Variants in C3orf22 observed in about 807,000 individuals in gnomAD.
C3orf22 encodes the protein uncharacterized protein C3orf22.
A neutral mutation model predicts 10.8 loss-of-function variants in C3orf22; 7 were observed. That is an observed-to-expected ratio of 0.65 (90% CI 0.37 to 1.22). The LOEUF (loss-of-function observed/expected upper bound fraction) is 1.22, where lower values mean the gene tolerates loss of function less well. Among genes scored for constraint, C3orf22 ranks in the 50% most tolerant of loss-of-function variants. The pLI is 0.02. For missense variants in C3orf22, 173 were observed against 177.0 expected (o/e 0.98, Z 0.13); for synonymous variants, 79 against 78.9 (o/e 1.00, Z 0.00).
Position 126,552,057 on chromosome 3 carries a change from T to C in C3orf22, c.155A>G (p.Asn52Ser). 1 of 1,613,780 alleles carries C rather than the reference T, an allele frequency of 6.2e-7. No homozygotes were observed. The highest frequency in any genetic ancestry group is 8.5e-7 in the Non-Finnish European group (1 of 1,179,862). Reference sequence around the variant, plus strand: ...CTTCTGCAGGGGCAGCTGCACCGTGTTCGAGTCGTTTGTGACCTCCCAGGG... The same window carrying C: ...CTTCTGCAGGGGCAGCTGCACCGTGCTCGAGTCGTTTGTGACCTCCCAGGG... Reference protein sequence around the residue: ...LQPWEVTNDSNTVQLPLQKRL... With the variant: ...LQPWEVTNDSSTVQLPLQKRL... Residue 52 changes from asparagine (N) to serine (S), a missense_variant, in exon 3 of 4, where the codon AAC (asparagine) becomes AGC (serine). By Grantham distance (46) the Asn-to-Ser change is conservative. Transcript: ENST00000318225.
chr3:126,548,371 T>G (rs568762620), downstream of C3orf22, among the ~76,000 whole-genome samples: 8 of 152,124 alleles, frequency 5.3e-5, no homozygotes, highest in Admixed American at 1.3e-4. Context: ...CAGGGTGTGG[T>G]GAAGTGGGGG....
At chr3:126,553,828 C>T (rs891954495) in intron 1 of C3orf22, among the ~76,000 whole-genome samples, 35 of 151,984 alleles carry the variant, frequency 2.3e-4, no homozygotes, top group Non-Finnish European at 4.0e-4. Context: ...TCAGCCCAAA[C>T]TTCACCCACA....
intron 4 of C3orf22, among the ~76,000 whole-genome samples, chr3:126,535,319 G>T (rs1560139857): frequency 6.7e-6 from 1 of 148,258 alleles, no homozygotes; most frequent in African/African-American, 2.5e-5. Context: ...CCTCAGCCAG[G>T]AGACAGACAG....
At position 126,542,175 on chromosome 3, in the gene C3orf22, T is replaced by G. The variant is rs940873994; in HGVS notation, c.286+7362A>C. 8.8e-5 allele frequency: 129 copies of G among 1,463,634 alleles called. No homozygotes were observed. The highest frequency in any genetic ancestry group is 1.1e-4 in the Non-Finnish European group (122 of 1,115,148). 90.7% of individuals were successfully genotyped at this position (1,463,634 alleles called of 1,614,324 possible). On this transcript the variant is annotated intron_variant and NMD_transcript_variant, in intron 4 of 5. Transcript: ENST00000505070. The stretch of plus-strand genomic sequence containing the variant: ...TACGGTGCACGCATCGTTCAGCGCC[T>G]GCGGCCGCGCGCGCTCCCCGACGCC...
intron 4 of C3orf22, among the ~76,000 whole-genome samples, chr3:126,534,094 T>G (rs1936713474): frequency 6.6e-6 from 1 of 152,178 alleles, no homozygotes; most frequent in Admixed American, 6.5e-5. Context: ...TTTTAGTAAT[T>G]TGAGTCTTTT....
chr3:126,550,814 C>G (rs567667105), intron 3 of C3orf22, among the ~76,000 whole-genome samples: 14 of 152,378 alleles, frequency 9.2e-5, no homozygotes, highest in Non-Finnish European at 1.8e-4. Context: ...TTGGCTCAGC[C>G]CACTGCCCCC....
chr3:126,537,136 G>A (rs1183168894), intron 4 of C3orf22, among the ~76,000 whole-genome samples: 1 of 152,174 alleles, frequency 6.6e-6, no homozygotes, highest in Non-Finnish European at 1.5e-5. Context: ...GGTGCAACAA[G>A]AGCTCTCCTG....
At chr3:126,529,170 TGTGCAGAGGAGGATGGTC>T in exon 5 of C3orf22, 1 of 559,468 alleles carries the variant, frequency 1.8e-6, no homozygotes, top group Non-Finnish European at 3.1e-6. Flanking sequence ...CTGAGGTGGG[TGTGCAGAGGAGGATGGTC>T]GTGCTTCTGC....
intron 4 of C3orf22, among the ~76,000 whole-genome samples, chr3:126,543,673 T>C (rs1345047445): frequency 6.7e-6 from 1 of 148,436 alleles, no homozygotes; most frequent in African/African-American, 2.6e-5. Flanking sequence ...TGTGAGTATA[T>C]GAGTGAGAGT....
At chr3:126,554,453 G>A (rs573419454) in intron 1 of C3orf22, among the ~76,000 whole-genome samples, 47 of 152,070 alleles carry the variant, frequency 3.1e-4, no homozygotes, top group Non-Finnish European at 5.7e-4. Flanking sequence ...TAGTAGAGAC[G>A]GGGTTTCACC....
downstream of C3orf22, among the ~76,000 whole-genome samples, chr3:126,548,431 T>A (rs1045171599): frequency 6.6e-6 from 1 of 152,258 alleles, no homozygotes; most frequent in African/African-American, 2.4e-5. Context: ...CTGGTTATGC[T>A]GCATGGTAAA....
At chr3:126,536,251 C>A in intron 4 of C3orf22, 1 of 1,611,082 alleles carries the variant, frequency 6.2e-7, no homozygotes, top group Non-Finnish European at 8.5e-7. Context: ...GTGGCGACAT[C>A]TCTCTCCTTA....
chr3:126,545,151 T>A (rs572385001), downstream of C3orf22, among the ~76,000 whole-genome samples: 10 of 152,352 alleles, frequency 6.6e-5, no homozygotes, highest in African/African-American at 2.4e-4. Context: ...CAGGTGATTC[T>A]CCATCTGGCA....
At chr3:126,543,122 A>G (rs1181595720) in intron 4 of C3orf22, 2 of 151,936 alleles carry the variant, frequency 1.3e-5, no homozygotes, top group African/African-American at 4.8e-5. Context: ...CTCCTCTCCC[A>G]CGCGGCTGGC....
At position 126,556,767 on chromosome 3, in the gene C3orf22, ACAGACTCACACACT is replaced by A. The variant is rs373591814; in HGVS notation, c.-41+1846_-41+1859del. On this transcript the variant is annotated intron_variant, in intron 1 of 3. Transcript: ENST00000318225. ...CAGACTCACACATACGCACACTCACACAGACTCACACACTCAGACTCACACACACTCAGGCTCAC... is the reference window on the plus strand; with the variant it reads ...CAGACTCACACATACGCACACTCACACAGACTCACACACACTCAGGCTCAC... Among the ~76,000 whole-genome samples, 503 of 137,292 alleles carry A rather than the reference ACAGACTCACACACT, an allele frequency of 3.7e-3. 5 individuals are homozygous for A. The highest frequency in any genetic ancestry group is 0.012 in the African/African-American group (477 of 38,926). 90.1% of individuals were successfully genotyped at this position (137,292 alleles called of 152,430 possible). A position where few individuals can be genotyped will look rare whatever the true frequency, so the allele number is the denominator to read the frequency against.
At chr3:126,530,662 A>G (rs889192278) in intron 4 of C3orf22, among the ~76,000 whole-genome samples, 6 of 152,154 alleles carry the variant, frequency 3.9e-5, no homozygotes, top group African/African-American at 1.4e-4. Flanking sequence ...CTCAGGCCAC[A>G]CCCAGCCTGG....
chr3:126,538,762 C>CA (rs1485070875), intron 4 of C3orf22, among the ~76,000 whole-genome samples: 1 of 152,208 alleles, frequency 6.6e-6, no homozygotes, highest in Non-Finnish European at 1.5e-5. Context: ...CCCATACCCC[C>CA]ATGGCATAGC....
rs188101896 is a variant in C3orf22 at position 126,552,247 on chromosome 3, T to A, written c.90-125A>T. On this transcript the variant is annotated intron_variant, in intron 2 of 3. Coordinates refer to ENST00000318225, the MANE Select transcript of C3orf22 (RefSeq NM_152533.3). ...AGTGCTTCACAAATATTAGCCCATA[T>A]GTCAGCTGACAAGCATGCTGTGAGG... The A allele has an allele frequency of 2.1e-4, 304 of 1,438,354 alleles. 1 individual carries two copies. Among genetic ancestry groups the A allele is most frequent in the South Asian group, 8.3e-4 (65 of 78,132 alleles). 89.1% of individuals were successfully genotyped at this position (1,438,354 alleles called of 1,614,324 possible).
chr3:126,542,227 C>T, intron 4 of C3orf22: 2 of 1,503,450 alleles, frequency 1.3e-6, no homozygotes, highest in Non-Finnish European at 1.8e-6. Flanking sequence ...ACGTGCGCTT[C>T]GCGGAGTTCC....
Sources: gnomAD v4.1 joint callset for allele counts (sites outside exome capture counted in the v4.1 genomes callset) on GRCh38, gnomAD v4.1.1 for gene constraint, MANE v1.5 for transcripts, NCBI Gene and HGNC (gene_info 2026-07-23, HGNC 2026-07-21) for gene names.